The following FNBP1 variants were observed in gnomAD, a reference collection of about 807,000 sequenced individuals.
The protein encoded by FNBP1 is formin binding protein 1, also known as formin-binding protein 1.
In FNBP1, 26 loss-of-function variants were observed where a neutral mutation model predicts 90.6. The observed-to-expected ratio is 0.29, with a 90% CI of 0.21 to 0.40. The LOEUF (loss-of-function observed/expected upper bound fraction) is 0.40. FNBP1 is among the 10% of genes least tolerant of loss of function. The pLI is 1.00. For synonymous variants in FNBP1, 260 were observed against 265.2 expected (o/e 0.98, Z 0.19); for missense variants, 635 against 768.0 (o/e 0.83, Z 2.05).
chr9:129,914,755 GTCTATATATATATA>G lies in FNBP1; in HGVS notation c.1185+1197_1185+1210del, dbSNP rs1354330354. Among the ~76,000 whole-genome samples, 55 of 98,434 alleles carry G rather than the reference GTCTATATATATATA, an allele frequency of 5.6e-4. 1 individual carries two copies. Among genetic ancestry groups the G allele is most frequent in the Middle Eastern group, 6.0e-3 (1 of 168 alleles). The allele number at this position is 98,434 out of a possible 152,430, so 64.6% of individuals were successfully genotyped here. The stretch of plus-strand genomic sequence containing the variant: ...AAAAATTATGTATATACATACATAT[GTCTATATATATATA>G]TATATATATATATATATATATATAT... On this transcript the variant is annotated intron_variant, in intron 11 of 16. Transcript: ENST00000446176.
rs770417439 is a variant in FNBP1 at position 129,912,455 on chromosome 9, G to A, written c.1186-3456C>T. On this transcript the variant is annotated intron_variant, in intron 11 of 16. Transcript: ENST00000446176. ...TGTAATCTTGGCACTTTGGGAGGCC[G>A]AGGCGGGTGGATCACCTGAGGTCGG... 5.7e-4 allele frequency among the ~76,000 whole-genome samples: 87 copies of A among 152,116 alleles called. 1 individual carries two copies. The highest frequency in any genetic ancestry group is 5.5e-3 in the Admixed American group (84 of 15,256).
Position 129,890,519 on chromosome 9 carries a change from A to G in FNBP1, c.*20T>C. The stretch of plus-strand genomic sequence containing the variant: ...AGGCTCCTCCAGGAAGGCTCACCCG[A>G]GGCTCGCAGGCACTCCCCTCTAGGA... On this transcript the variant is annotated 3_prime_UTR_variant, in exon 17 of 17. Transcript: ENST00000446176. The surrounding 1 kb of genome is among the most constrained non-coding windows in gnomAD (Gnocchi z 5.8). 6.3e-7 allele frequency: 1 copy of G among 1,582,944 alleles called. No individual in the cohort carries two copies. The highest frequency in any genetic ancestry group is 8.6e-7 in the Non-Finnish European group (1 of 1,164,898).
intron 1 of FNBP1, among the ~76,000 whole-genome samples, chr9:130,037,793 C>T (rs534829735): frequency 4.6e-5 from 7 of 152,004 alleles, no homozygotes; most frequent in East Asian, 1.9e-4. Flanking sequence ...TTACAACTGC[C>T]GAAGTGCAGA....
At chr9:129,909,068 A>T in intron 11 of FNBP1, 69 bp from the exon 12 acceptor site, 1 of 1,030,326 alleles carries the variant, frequency 9.7e-7, no homozygotes, top group Non-Finnish European at 1.5e-6. Context: ...CTGAAAGCAA[A>T]GCCTGCAGCC....
chr9:129,937,440 T>C (rs923540557), intron 6 of FNBP1, among the ~76,000 whole-genome samples: 1 of 152,082 alleles, frequency 6.6e-6, no homozygotes, highest in Non-Finnish European at 1.5e-5. Context: ...CTTTTAAGAA[T>C]TTTTAAAGTT....
In FNBP1 at chr9:130,013,744, G is replaced by T. The variant is rs1203010028; in HGVS notation, c.25-18786C>A. The T allele has an allele frequency of 1.1e-5, 5 of 456,684 alleles. No homozygotes were observed. In the East Asian group the frequency reaches 3.5e-4, roughly 32 times the overall value. The allele number at this position is 456,684 out of a possible 1,614,324, so 28.3% of individuals were successfully genotyped here. A position where few individuals can be genotyped will look rare whatever the true frequency, so the allele number is the denominator to read the frequency against. On this transcript the variant is annotated intron_variant, in intron 1 of 16. Coordinates refer to ENST00000446176, the MANE Select transcript of FNBP1 (RefSeq NM_015033.3). ...AGTTCATGTGTCAGAAACTTAATGG[G>T]AAATGGGGCCAAATAAAAGATGGCA...
At chr9:129,983,167 GAATCTATT>G (rs537522540) in intron 2 of FNBP1, among the ~76,000 whole-genome samples, 172 of 152,180 alleles carry the variant, frequency 1.1e-3, no homozygotes, top group African/African-American at 4.1e-3. Flanking sequence ...ACGTGACTCT[GAATCTATT>G]GATCCAGGTA....
rs1247631689 is a variant in FNBP1, at chr9:129,957,479, A to T, written c.409-15T>A. 1 of 1,577,674 alleles carries T rather than the reference A, an allele frequency of 6.3e-7. No individual in the cohort carries two copies. The highest frequency in any genetic ancestry group is 1.7e-5 in the Admixed American group (1 of 59,640). ...CGCCTTTTACTCTAAAATCAGAGGA[A>T]AATAATTATGAAACCATAAGAGTCC... is the stretch of plus-strand genomic sequence containing the variant. On this transcript the variant is annotated splice_polypyrimidine_tract_variant and intron_variant, in intron 5 of 16. Transcript: ENST00000446176. This position sits in a 1 kb window ranked among gnomAD's most constrained non-coding sequence, Gnocchi z 4.3.
At chr9:130,040,387 G>A (rs1028195231) in intron 1 of FNBP1, among the ~76,000 whole-genome samples, 4 of 152,176 alleles carry the variant, frequency 2.6e-5, no homozygotes, top group East Asian at 1.9e-4. Context: ...GGGAGGCTGA[G>A]GCAGGCGGAT....
chr9:129,973,739 A>G (rs551749751), intron 4 of FNBP1, among the ~76,000 whole-genome samples: 19 of 148,992 alleles, frequency 1.3e-4, no homozygotes, highest in African/African-American at 4.7e-4. Context: ...TCCTGACCTC[A>G]TGATCCGCCT....
chr9:130,007,584 C>T (rs1459760351), intron 1 of FNBP1, among the ~76,000 whole-genome samples: 2 of 152,198 alleles, frequency 1.3e-5, no homozygotes, highest in African/African-American at 4.8e-5. Flanking sequence ...CAATAAACTT[C>T]TAGCCTATTT....
At chr9:130,038,874 A>G (rs2059584603) in intron 1 of FNBP1, among the ~76,000 whole-genome samples, 1 of 152,252 alleles carries the variant, frequency 6.6e-6, no homozygotes, top group Non-Finnish European at 1.5e-5. Context: ...TGCAAAGAGA[A>G]TAATTACGAG....
At chr9:129,904,355 A>AT (rs552561309) in intron 12 of FNBP1, among the ~76,000 whole-genome samples, 52 of 152,298 alleles carry the variant, frequency 3.4e-4, no homozygotes, top group South Asian at 1.9e-3. Flanking sequence ...AGTTTGGGGC[A>AT]TGTTTGGGTT....
chr9:130,047,826 A>G (rs1241276504), upstream of FNBP1, among the ~76,000 whole-genome samples: 1 of 152,126 alleles, frequency 6.6e-6, no homozygotes, highest in African/African-American at 2.4e-5. Flanking sequence ...GGCAATTCTA[A>G]CCCTGCTTGC....
chr9:129,906,253 T>G (rs962720591), intron 12 of FNBP1, among the ~76,000 whole-genome samples: 6 of 152,232 alleles, frequency 3.9e-5, no homozygotes, highest in African/African-American at 1.2e-4. Context: ...GAATGATACA[T>G]TTCCTTTGAT....
chr9:129,964,992 G>T (rs2048345769), intron 4 of FNBP1, among the ~76,000 whole-genome samples: 4 of 152,162 alleles, frequency 2.6e-5, no homozygotes, highest in Admixed American at 2.6e-4. Flanking sequence ...AAAGGGCAAA[G>T]AAAGAGGGAG....
chr9:130,026,238 T>C (rs2058328194), intron 1 of FNBP1, among the ~76,000 whole-genome samples: 1 of 152,122 alleles, frequency 6.6e-6, no homozygotes, highest in Non-Finnish European at 1.5e-5. Flanking sequence ...CTCATACCTG[T>C]AATCCCAGAA....
rs772833266 is a variant in FNBP1, at chr9:130,031,999, T to C, written c.24+10953A>G. On this transcript the variant is annotated intron_variant, in intron 1 of 16. Coordinates refer to ENST00000446176, the MANE Select transcript of FNBP1 (RefSeq NM_015033.3). The surrounding 1 kb of genome is among the most constrained non-coding windows in gnomAD (Gnocchi z 4.2). The stretch of plus-strand genomic sequence containing the variant: ...TACAATTTTGTTTGGTTTCCTTTTA[T>C]GTACAAAGTTATAAACACTGAGCAC... 2.0e-5 allele frequency among the ~76,000 whole-genome samples: 3 copies of C among 152,008 alleles called. No homozygotes were observed. Among genetic ancestry groups the C allele is most frequent in the Non-Finnish European group, 2.9e-5 (2 of 68,010 alleles).
chr9:129,941,684 C>T (rs1419158528), intron 6 of FNBP1, among the ~76,000 whole-genome samples: 9 of 152,238 alleles, frequency 5.9e-5, no homozygotes, highest in Admixed American at 1.3e-4. Context: ...AGCCTGGTCT[C>T]GAACTCCTGG....
Sources: allele counts gnomAD v4.1 joint callset (sites outside exome capture counted in the v4.1 genomes callset), GRCh38; gene constraint gnomAD v4.1.1; non-coding constraint Gnocchi (gnomAD v3.1); transcripts MANE v1.5; gene names NCBI Gene and HGNC (gene_info 2026-07-23, HGNC 2026-07-21).